The following KCNIP4 variants were observed in gnomAD, a reference collection of about 807,000 sequenced individuals.
The protein encoded by KCNIP4 is potassium voltage-gated channel interacting protein 4, also known as Kv channel-interacting protein 4.
KCNIP4 carries 12 observed loss-of-function variants against 34.0 expected under a neutral mutation model. The observed-to-expected ratio is 0.35, with a 90% CI of 0.23 to 0.57. The LOEUF (loss-of-function observed/expected upper bound fraction) is 0.57, where lower values mean the gene tolerates loss of function less well. KCNIP4 is among the 20% of genes least tolerant of loss of function. The pLI, the probability that KCNIP4 is intolerant of heterozygous loss-of-function variation, is 0.83. For missense variants in KCNIP4, 238 were observed against 311.7 expected, an observed-to-expected ratio of 0.76 and a Z score of 1.78; for synonymous variants, 124 against 102.2, an observed-to-expected ratio of 1.21 and a Z score of -1.29.
At chr4:21,673,244 T>C (rs1577813358) in intron 1 of KCNIP4, among the ~76,000 whole-genome samples, 1 of 152,148 alleles carries the variant, frequency 6.6e-6, no homozygotes, top group Non-Finnish European at 1.5e-5. Flanking sequence ...AACCAGACAG[T>C]CGAAATTACC....
At chr4:21,237,714 G>A (rs1759472404) in intron 1 of KCNIP4, among the ~76,000 whole-genome samples, 1 of 152,098 alleles carries the variant, frequency 6.6e-6, no homozygotes, top group South Asian at 2.1e-4. Context: ...CCAATAACAG[G>A]CTCTGAAATT....
chr4:20,914,740 G>A (rs111382752), intron 1 of KCNIP4, among the ~76,000 whole-genome samples: 14 of 152,218 alleles, frequency 9.2e-5, no homozygotes, highest in African/African-American at 2.6e-4. Context: ...ACTATAGTCT[G>A]GTAATGATAT....
At chr4:21,862,964 AAAAG>A (rs1237513981) in intron 1 of KCNIP4, among the ~76,000 whole-genome samples, 2 of 131,616 alleles carry the variant, frequency 1.5e-5, no homozygotes, top group Non-Finnish European at 3.3e-5. Context: ...CCGTCTCAAA[AAAAG>A]AAAAAAAAAG....
intron 1 of KCNIP4, among the ~76,000 whole-genome samples, chr4:21,262,573 C>T (rs905754968): frequency 3.3e-5 from 5 of 152,154 alleles, no homozygotes; most frequent in African/African-American, 1.2e-4. Flanking sequence ...AGGATTGAGC[C>T]AGTTATCCTC....
chr4:21,441,195 T>C (rs1391576446), intron 1 of KCNIP4, among the ~76,000 whole-genome samples: 2 of 151,262 alleles, frequency 1.3e-5, no homozygotes, highest in Non-Finnish European at 3.0e-5. Context: ...AGGCTGGAGT[T>C]CAGTGGCGTG....
intron 1 of KCNIP4, among the ~76,000 whole-genome samples, chr4:21,420,829 ACAAT>A (rs1476250520): frequency 6.6e-6 from 1 of 152,220 alleles, no homozygotes; most frequent in Non-Finnish European, 1.5e-5. Flanking sequence ...AGGAAAGGAA[ACAAT>A]CAACAGAGTG....
intron 1 of KCNIP4, among the ~76,000 whole-genome samples, chr4:20,990,105 A>G (rs1736957556): frequency 6.6e-6 from 1 of 152,216 alleles, no homozygotes; most frequent in Non-Finnish European, 1.5e-5. Flanking sequence ...AGTAACAAAG[A>G]CAAGGTCAGT....
At chr4:20,942,218 G>C (rs144082662) in intron 1 of KCNIP4, among the ~76,000 whole-genome samples, 10 of 152,222 alleles carry the variant, frequency 6.6e-5, no homozygotes, top group Non-Finnish European at 1.5e-4. Context: ...GAGAGATTAA[G>C]TGAGTGTGAG....
chr4:20,845,386 C>T (rs1384350723), intron 3 of KCNIP4, among the ~76,000 whole-genome samples: 1 of 152,110 alleles, frequency 6.6e-6, no homozygotes, highest in East Asian at 1.9e-4. Flanking sequence ...TGACCCCTCC[C>T]ACCTTGTGAT....
intron 1 of KCNIP4, among the ~76,000 whole-genome samples, chr4:21,483,161 G>A (rs531786255): frequency 4.0e-4 from 61 of 151,492 alleles, no homozygotes; most frequent in Middle Eastern, 6.9e-3. Flanking sequence ...CACCAACATG[G>A]CACATGTATA....
chr4:21,805,167 T>G (rs1721218858), intron 1 of KCNIP4, among the ~76,000 whole-genome samples: 1 of 152,164 alleles, frequency 6.6e-6, no homozygotes, highest in African/African-American at 2.4e-5. Context: ...ATATTACATT[T>G]GCAATGGGTG....
chr4:20,823,421 G>C (rs900784214), intron 3 of KCNIP4, among the ~76,000 whole-genome samples: 1 of 152,264 alleles, frequency 6.6e-6, no homozygotes, highest in Non-Finnish European at 1.5e-5. Context: ...GAGTGAATGA[G>C]TGTGTGTGTC....
chr4:21,387,143 T>C (rs56306963), intron 1 of KCNIP4, among the ~76,000 whole-genome samples: 5,086 of 152,230 alleles, frequency 0.033, 223 homozygotes, highest in African/African-American at 0.084. Flanking sequence ...TATCAATTGA[T>C]GCCATTGCCT....
At chr4:21,097,186 A>G (rs1747534933) in intron 1 of KCNIP4, among the ~76,000 whole-genome samples, 1 of 152,188 alleles carries the variant, frequency 6.6e-6, no homozygotes, top group Admixed American at 6.5e-5. Flanking sequence ...AAAAAGTGGA[A>G]ACAGGCCAAA....
intron 1 of KCNIP4, among the ~76,000 whole-genome samples, chr4:21,324,370 CA>C (rs1714811490): frequency 6.6e-6 from 1 of 151,902 alleles, no homozygotes; most frequent in African/African-American, 2.4e-5. Context: ...TTAGTAGTTT[CA>C]AAGTTTGAAG....
intron 1 of KCNIP4, among the ~76,000 whole-genome samples, chr4:21,741,239 C>G (rs1716381473): frequency 6.6e-6 from 1 of 152,094 alleles, no homozygotes; most frequent in African/African-American, 2.4e-5. Context: ...AGGCCTCCAG[C>G]CATGGCAGGT....
chr4:21,803,234 C>A (rs1841186), intron 1 of KCNIP4, among the ~76,000 whole-genome samples: 58,127 of 151,972 alleles, frequency 0.38, 12,642 homozygotes, highest in Non-Finnish European at 0.51. Flanking sequence ...CTATCTCCCA[C>A]TTCCTTGATC....
At chr4:21,077,523 C>A (rs534129499) in intron 1 of KCNIP4, among the ~76,000 whole-genome samples, 1 of 151,670 alleles carries the variant, frequency 6.6e-6, no homozygotes, top group Non-Finnish European at 1.5e-5. Flanking sequence ...ACCTCAAAAC[C>A]AATATTCACG....
intron 1 of KCNIP4, among the ~76,000 whole-genome samples, chr4:20,969,026 G>A (rs1734663594): frequency 1.3e-5 from 2 of 151,998 alleles, no homozygotes; most frequent in African/African-American, 4.8e-5. Flanking sequence ...TAAGTCCCAG[G>A]AAATATTTAT....
Sources: allele counts gnomAD v4.1 joint callset (sites outside exome capture counted in the v4.1 genomes callset), GRCh38; gene constraint gnomAD v4.1.1; transcripts MANE v1.5; gene names NCBI Gene and HGNC (gene_info 2026-07-23, HGNC 2026-07-21).